The following MLX variants were observed in gnomAD, a reference collection of about 807,000 sequenced individuals.
The protein encoded by MLX is MAX dimerization protein MLX, also known as max-like protein X.
Under a neutral mutation model 33.0 loss-of-function variants are expected in MLX, and 15 were observed. That is an observed-to-expected ratio of 0.45 (90% CI 0.30 to 0.70). The LOEUF is 0.70. Among genes scored for constraint, MLX ranks in the 30% least tolerant of loss-of-function variants. The pLI, the probability that MLX is intolerant of heterozygous loss-of-function variation, is 0.07. For synonymous variants in MLX, 115 were observed against 115.6 expected, an observed-to-expected ratio of 0.99 and a Z score of 0.03; for missense variants, 285 against 306.3, an observed-to-expected ratio of 0.93 and a Z score of 0.52.
At chr17:42,568,018 G>A in intron 2 of MLX, 1 of 309,530 alleles carries the variant, frequency 3.2e-6, no homozygotes, top group South Asian at 5.2e-5. Context: ...GGAAGTGGGG[G>A]GCCCAGTATG....
chr17:42,570,017 AC>A lies in MLX; in HGVS notation c.517del (p.His173MetfsTer60). The A allele has an allele frequency of 6.2e-7, 1 of 1,613,966 alleles. No homozygotes were observed. The highest frequency in any genetic ancestry group is 8.5e-7 in the Non-Finnish European group (1 of 1,180,010). On this transcript the variant is annotated frameshift_variant, in exon 7 of 8. Transcript: ENST00000435881. LOFTEE classifies it high-confidence loss of function. ...CAGATTGTGAAGGCACACCAGGACA[AC>A]CCCCATGAAGGGGAGGACCAGGTCT... ...YEQIVKAHQD[N>X]PHEGEDQVSD...
At position 42,573,160 on chromosome 17, in the gene MLX, CTG is replaced by C. The variant is rs1265320760; in HGVS notation, c.*1559_*1560del. The C allele has an allele frequency of 6.2e-7, 1 of 1,614,108 alleles. No individual in the cohort carries two copies. Among genetic ancestry groups the C allele is most frequent in the Non-Finnish European group, 8.5e-7 (1 of 1,180,042 alleles). ...CCTTCAAGTATTGCATCAGACAGCT[CTG>C]TAGCCTGACAAGAAATAAAACCACC... On this transcript the variant is annotated 3_prime_UTR_variant, in exon 8 of 8. Coordinates refer to ENST00000435881, the MANE Select transcript of MLX (RefSeq NM_198204.2).
chr17:42,569,832 C>A lies in MLX; in HGVS notation c.477-150C>A, dbSNP rs17671179. 1.9e-5 allele frequency: 15 copies of A among 776,118 alleles called. No individual in the cohort carries two copies. The East Asian group carries it at 4.0e-4, about 21-fold the overall frequency. The allele number at this position is 776,118 out of a possible 1,614,324, so 48.1% of individuals were successfully genotyped here. ...GGTTGGAGAGAGAGGGCCACCTTTC[C>A]TGACCTGGAAGCAGTATCTCCCTGA... On this transcript the variant is annotated intron_variant, in intron 6 of 7. Transcript: ENST00000435881.
chr17:42,572,867 C>G lies in MLX; in HGVS notation c.*1264C>G. 7.3e-7 allele frequency: 1 copy of G among 1,363,736 alleles called. No individual in the cohort carries two copies. The highest frequency in any genetic ancestry group is 1.2e-5 in the South Asian group (1 of 84,760). 84.5% of individuals were successfully genotyped at this position (1,363,736 alleles called of 1,614,324 possible). On this transcript the variant is annotated 3_prime_UTR_variant, in exon 8 of 8. Transcript: ENST00000435881. Reference sequence around the variant, plus strand: ...CTGCTCTGCTTAAAGGTGAAAGTAGCAGGAACAACAACAAAAGCCAACCAA... The same window carrying G: ...CTGCTCTGCTTAAAGGTGAAAGTAGGAGGAACAACAACAAAAGCCAACCAA...
Position 42,572,955 on chromosome 17 carries a change from G to T in MLX, c.*1352G>T, listed in dbSNP as rs1362548359. On this transcript the variant is annotated 3_prime_UTR_variant, in exon 8 of 8. Transcript: ENST00000435881. ...ACATCCTGCAGTCCCCACCAGTCCT[G>T]ACCGTGGGCCCCTCAGGGGTCTGGG... The T allele has an allele frequency of 1.2e-6, 2 of 1,613,738 alleles. No individual in the cohort carries two copies. Among genetic ancestry groups the T allele is most frequent in the Non-Finnish European group, 1.7e-6 (2 of 1,179,816 alleles).
Position 42,569,624 on chromosome 17 carries a change from T to TG in MLX, c.476+24dup. The TG allele has an allele frequency of 6.3e-7, 1 of 1,599,866 alleles. No individual in the cohort carries two copies. The highest frequency in any genetic ancestry group is 8.6e-7 in the Non-Finnish European group (1 of 1,167,318). The stretch of plus-strand genomic sequence containing the variant: ...ATGAAAGTGTAAGAGGGGTGCTGAA[T>TG]GGGGGGAACCAGAACTTCTGAGGCA... On this transcript the variant is annotated intron_variant, in intron 6 of 7. Transcript: ENST00000435881.
Position 42,571,769 on chromosome 17 carries a change from G to A in MLX, c.*166G>A, listed in dbSNP as rs1453522189. 10 of 661,408 alleles carry A rather than the reference G, an allele frequency of 1.5e-5. No homozygotes were observed. Among genetic ancestry groups the A allele is most frequent in the East Asian group, 2.7e-5 (1 of 37,342 alleles). The allele number at this position is 661,408 out of a possible 1,614,324, so 41.0% of individuals were successfully genotyped here. A position where few individuals can be genotyped will look rare whatever the true frequency, so the allele number is the denominator to read the frequency against. The stretch of plus-strand genomic sequence containing the variant: ...GCCCCATTTTATCTTCAGCGGAGCC[G>A]CGGTGTTTGTTTTGTGAAAGCTTCT... On this transcript the variant is annotated 3_prime_UTR_variant, in exon 8 of 8. Coordinates refer to ENST00000435881, the MANE Select transcript of MLX (RefSeq NM_198204.2).
At chr17:42,569,375 C>A in intron 5 of MLX, 72 bp downstream of exon 5, 1 of 1,538,100 alleles carries the variant, frequency 6.5e-7, no homozygotes, top group Non-Finnish European at 9.0e-7. Flanking sequence ...CTCCTACCCA[C>A]CCATGGCTCG....
chr17:42,572,988 C>G lies in MLX; in HGVS notation c.*1385C>G. 2.5e-6 allele frequency: 4 copies of G among 1,614,216 alleles called. No homozygotes were observed. The highest frequency in any genetic ancestry group is 3.4e-6 in the Non-Finnish European group (4 of 1,180,044). On this transcript the variant is annotated 3_prime_UTR_variant, in exon 8 of 8. Transcript: ENST00000435881. ...GCCCCTCAGGGGTCTGGGAGTGTGA[C>G]GTTGTAATCTTCATCCGTCTCTATC...
At chr17:42,570,956 C>T (rs1311329206) in intron 7 of MLX, among the ~76,000 whole-genome samples, 2 of 152,032 alleles carry the variant, frequency 1.3e-5, no homozygotes, top group Admixed American at 6.6e-5. Flanking sequence ...TGCCTGGCCT[C>T]GTTTCCCAAC....
rs778028532 is a variant in MLX, at chr17:42,570,018, C to G, written c.513C>G (p.Asn171Lys). The G allele has an allele frequency of 6.2e-7, 1 of 1,614,048 alleles. No homozygotes were observed. The highest frequency in any genetic ancestry group is 2.2e-5 in the East Asian group (1 of 44,886). The change falls in exon 7 of 8, where the codon AAC becomes AAG. Residue 171 changes from asparagine to lysine, a missense_variant. By Grantham distance (94) the Asn-to-Lys change is moderately conservative. Coordinates refer to ENST00000435881, the MANE Select transcript of MLX (RefSeq NM_198204.2). ...AGATTGTGAAGGCACACCAGGACAACCCCCATGAAGGGGAGGACCAGGTCT... is the reference window on the plus strand; with the variant it reads ...AGATTGTGAAGGCACACCAGGACAAGCCCCATGAAGGGGAGGACCAGGTCT... ...YEQIVKAHQD[N>K]PHEGEDQVSD...
chr17:42,567,570 C>T (rs995935947), intron 1 of MLX, 49 bp from the exon 2 acceptor site: 2 of 1,612,852 alleles, frequency 1.2e-6, no homozygotes, highest in Non-Finnish European at 1.7e-6. Flanking sequence ...GGGGCGCCTC[C>T]CCCTAGGGGC....
chr17:42,567,941 G>T, intron 2 of MLX: 8 of 542,880 alleles, frequency 1.5e-5, no homozygotes, highest in Middle Eastern at 4.8e-4. Flanking sequence ...TGAGCCAGGG[G>T]GGTATCATGC....
At chr17:42,571,122 C>T (rs960582431) in intron 7 of MLX, among the ~76,000 whole-genome samples, 1 of 150,724 alleles carries the variant, frequency 6.6e-6, no homozygotes, top group African/African-American at 2.4e-5. Context: ...CTGCAGACAT[C>T]AGTACTTCCT....
intron 7 of MLX, 122 bp from the exon 8 acceptor site, chr17:42,571,414 ACCACACCTGGC>A: frequency 3.2e-6 from 3 of 938,486 alleles, no homozygotes; most frequent in South Asian, 1.4e-5. Context: ...GGCGTGAGCC[ACCACACCTGGC>A]CCCCGGGGGG....
At chr17:42,569,167 A>G in intron 4 of MLX, 37 bp from the exon 5 acceptor site, 2 of 1,583,548 alleles carry the variant, frequency 1.3e-6, no homozygotes, top group Non-Finnish European at 1.7e-6. Flanking sequence ...TTAATCTCTC[A>G]GGGTTAAAGA....
intron 5 of MLX, 66 bp from the exon 6 acceptor site, chr17:42,569,441 G>C: frequency 1.3e-6 from 2 of 1,529,226 alleles, no homozygotes; most frequent in South Asian, 1.1e-5. Context: ...GGGGAACAAA[G>C]TCAGCCTTAT....
In MLX at chr17:42,569,497, C is replaced by T. The variant is rs564620003; in HGVS notation, c.377-10C>T. Reference sequence around the variant, plus strand: ...CTGTACCTGTCCTTTTTTTCTTGCCCCCACCCTAGCCATTGACTACATTCA... The same window carrying T: ...CTGTACCTGTCCTTTTTTTCTTGCCTCCACCCTAGCCATTGACTACATTCA... On this transcript the variant is annotated splice_polypyrimidine_tract_variant and intron_variant, in intron 5 of 7. Transcript: ENST00000435881. 1 of 1,610,716 alleles carries T rather than the reference C, an allele frequency of 6.2e-7. No homozygotes were observed. Among genetic ancestry groups the T allele is most frequent in the East Asian group, 2.2e-5 (1 of 44,858 alleles).
intron 1 of MLX, 187 bp downstream of exon 1, chr17:42,567,353 C>A: frequency 2.1e-6 from 3 of 1,403,656 alleles, no homozygotes; most frequent in South Asian, 1.7e-5. Flanking sequence ...GAGGCGTGTG[C>A]GCGCGAGTCG....
Sources: gnomAD v4.1 joint callset for allele counts (sites outside exome capture counted in the v4.1 genomes callset) on GRCh38, gnomAD v4.1.1 for gene constraint, MANE v1.5 for transcripts, NCBI Gene and HGNC (gene_info 2026-07-23, HGNC 2026-07-21) for gene names.